CRISPLD2: variants seen among roughly 807,000 people sequenced by gnomAD.
The protein encoded by CRISPLD2 is cysteine-rich secretory protein LCCL domain-containing 2.
CRISPLD2 carries 47 observed loss-of-function variants against 71.1 expected under a neutral mutation model. The observed-to-expected ratio is 0.66, with a 90% confidence interval of 0.52 to 0.84. The LOEUF (loss-of-function observed/expected upper bound fraction) is 0.84. Among genes scored for constraint, CRISPLD2 ranks in the 40% least tolerant of loss-of-function variants. The pLI is 0.00. For synonymous variants in CRISPLD2, 317 were observed against 250.1 expected, an observed-to-expected ratio of 1.27 and a Z score of -2.52; for missense variants, 830 against 651.1, an observed-to-expected ratio of 1.27 and a Z score of -2.99.
rs927365317 is a variant in CRISPLD2 at position 84,825,513 on chromosome 16, T to C, written c.-75+5380T>C. Among the ~76,000 whole-genome samples, 4 of 152,286 alleles carry C rather than the reference T, an allele frequency of 2.6e-5. No individual in the cohort carries two copies. The South Asian group carries it at 8.3e-4, about 32-fold the overall frequency. ...GCGTACACCTATAGTCTCAGCACTT[T>C]GGGAGGCCAAGGTGGGCAGATCACT... On this transcript the variant is annotated intron_variant, in intron 1 of 14. Transcript: ENST00000262424.
chr16:84,885,193 C>G (rs1031115081), intron 13 of CRISPLD2, among the ~76,000 whole-genome samples: 4 of 152,170 alleles, frequency 2.6e-5, no homozygotes, highest in African/African-American at 9.7e-5. Context: ...GAGAACGTAT[C>G]CAAGCACCAA....
chr16:84,834,861 T>C (rs1916577151), intron 1 of CRISPLD2, among the ~76,000 whole-genome samples: 1 of 152,054 alleles, frequency 6.6e-6, no homozygotes, highest in African/African-American at 2.4e-5. Context: ...AGGACACCAG[T>C]CAGCTTGGTT....
chr16:84,904,483 C>T (rs1366189683), intron 14 of CRISPLD2, among the ~76,000 whole-genome samples: 1 of 151,972 alleles, frequency 6.6e-6, no homozygotes, highest in Admixed American at 6.6e-5. Context: ...ACTTGGGAGG[C>T]TGAGGCCAGA....
intron 5 of CRISPLD2, 38 bp from the exon 6 acceptor site, chr16:84,854,691 T>A: frequency 6.6e-7 from 1 of 1,508,678 alleles, no homozygotes; most frequent in East Asian, 2.3e-5. Context: ...CCTCACGTCG[T>A]GGTTCCCTCT....
intron 8 of CRISPLD2, among the ~76,000 whole-genome samples, chr16:84,870,631 C>T (rs2071460326): frequency 6.6e-6 from 1 of 151,880 alleles, no homozygotes; most frequent in Non-Finnish European, 1.5e-5. Context: ...TATGTATTTT[C>T]ACTTAGTATT....
chr16:84,886,419 T>C (rs1246962773), intron 13 of CRISPLD2, among the ~76,000 whole-genome samples: 2 of 152,166 alleles, frequency 1.3e-5, no homozygotes, highest in Non-Finnish European at 2.9e-5. Flanking sequence ...TATGAGACTG[T>C]GCCAGGGATG....
intron 1 of CRISPLD2, among the ~76,000 whole-genome samples, chr16:84,823,821 T>A (rs1307706464): frequency 2.0e-5 from 3 of 152,352 alleles, no homozygotes; most frequent in East Asian, 1.9e-4. Context: ...CATCATTTTT[T>A]AAAAATTATA....
At chr16:84,834,182 T>TGA (rs1406055508) in intron 1 of CRISPLD2, among the ~76,000 whole-genome samples, 1 of 151,822 alleles carries the variant, frequency 6.6e-6, no homozygotes, top group Non-Finnish European at 1.5e-5. Flanking sequence ...GTCAGGAGGG[T>TGA]GAGAGGAGAT....
chr16:84,821,586 T>G (rs1394928911), intron 1 of CRISPLD2, among the ~76,000 whole-genome samples: 1 of 152,130 alleles, frequency 6.6e-6, no homozygotes, highest in Non-Finnish European at 1.5e-5. Flanking sequence ...TGACCCTGCT[T>G]TCTTTAAGAC....
intron 1 of CRISPLD2, among the ~76,000 whole-genome samples, chr16:84,824,517 C>CATTCTCTGTTCTTCT (rs1916304183): frequency 6.6e-6 from 1 of 151,830 alleles, no homozygotes; most frequent in Admixed American, 6.6e-5. Context: ...TCTGTTCTTC[C>CATTCTCTGTTCTTCT]GGTCCTTCTG....
At chr16:84,865,505 T>C (rs976772052) in intron 6 of CRISPLD2, among the ~76,000 whole-genome samples, 7 of 152,182 alleles carry the variant, frequency 4.6e-5, no homozygotes, top group Non-Finnish European at 7.3e-5. Context: ...GCGAGCGTGC[T>C]CTAGTTATTC....
intron 11 of CRISPLD2, among the ~76,000 whole-genome samples, chr16:84,874,189 G>A (rs1227728339): frequency 6.6e-6 from 1 of 152,206 alleles, no homozygotes; most frequent in Non-Finnish European, 1.5e-5. Flanking sequence ...CAGGGCTGAG[G>A]TTGCCAGCTG....
At chr16:84,825,020 C>T (rs578227483) in intron 1 of CRISPLD2, among the ~76,000 whole-genome samples, 1 of 152,280 alleles carries the variant, frequency 6.6e-6, no homozygotes, top group East Asian at 1.9e-4. Context: ...AGAAGAATTG[C>T]TTGAACCCGG....
intron 14 of CRISPLD2, among the ~76,000 whole-genome samples, chr16:84,896,269 G>C (rs2071705315): frequency 6.6e-6 from 1 of 151,800 alleles, no homozygotes; most frequent in African/African-American, 2.4e-5. Context: ...GGCTGGTCTC[G>C]AATTCGTGAC....
chr16:84,893,712 C>T (rs2071682224), intron 14 of CRISPLD2, among the ~76,000 whole-genome samples: 3 of 152,174 alleles, frequency 2.0e-5, no homozygotes, highest in Admixed American at 2.0e-4. Flanking sequence ...GGACATGGCT[C>T]CCAAGAGAAC....
chr16:84,889,991 T>C (rs1439519251), intron 14 of CRISPLD2, among the ~76,000 whole-genome samples: 2 of 152,070 alleles, frequency 1.3e-5, no homozygotes, highest in Admixed American at 6.6e-5. Flanking sequence ...ATCTGTGAAA[T>C]AGGGATAATC....
chr16:84,901,688 G>C (rs2071755595), intron 14 of CRISPLD2, among the ~76,000 whole-genome samples: 1 of 150,258 alleles, frequency 6.7e-6, no homozygotes, highest in African/African-American at 2.5e-5. Context: ...ATCTTGGCCA[G>C]GCTGGTCTTG....
intron 1 of CRISPLD2, among the ~76,000 whole-genome samples, chr16:84,831,985 T>C (rs1916500066): frequency 6.6e-6 from 1 of 152,272 alleles, no homozygotes; most frequent in African/African-American, 2.4e-5. Context: ...TCCACCCACC[T>C]TGGCCTCCCA....
intron 13 of CRISPLD2, among the ~76,000 whole-genome samples, chr16:84,888,322 C>G (rs1219358961): frequency 6.6e-6 from 1 of 152,134 alleles, no homozygotes; most frequent in Non-Finnish European, 1.5e-5. Flanking sequence ...TTGCTTGAGC[C>G]CAGGAGTTCA....
Sources: allele counts gnomAD v4.1 joint callset (sites outside exome capture counted in the v4.1 genomes callset), GRCh38; gene constraint gnomAD v4.1.1; transcripts MANE v1.5; gene names NCBI Gene and HGNC (gene_info 2026-07-23, HGNC 2026-07-21).